Variants in RLIM observed in about 807,000 individuals in gnomAD.
The protein encoded by RLIM is ring finger protein, LIM domain interacting.
A neutral mutation model predicts 34.0 loss-of-function variants in RLIM; 2 were observed. That is an observed-to-expected ratio of 0.06 (90% CI 0.02 to 0.19). The LOEUF is 0.19. Ranked by LOEUF, RLIM falls within the 10% of genes least tolerant of loss-of-function variation. The pLI is 1.00. For synonymous variants in RLIM, 169 were observed against 164.0 expected (o/e 1.03, Z -0.23); for missense variants, 286 against 479.7 (o/e 0.60, Z 3.77).
chrX:74,598,651 C>T (rs367784135), intron 1 of RLIM, among the ~76,000 whole-genome samples: 52 of 108,091 alleles, frequency 4.8e-4, no homozygotes, highest in African/African-American at 1.2e-3. Flanking sequence ...TGGTGGCGGG[C>T]GCCTGTAGTC....
chrX:74,609,401 T>C (rs2079696824), intron 1 of RLIM, among the ~76,000 whole-genome samples: 1 of 94,963 alleles, frequency 1.1e-5, no homozygotes, highest in South Asian at 5.3e-4. Flanking sequence ...AGCAGGAGAA[T>C]GGCGTGAACC....
At chrX:74,603,435 G>A (rs1293850761) in intron 1 of RLIM, among the ~76,000 whole-genome samples, 2 of 111,372 alleles carry the variant, frequency 1.8e-5, no homozygotes, top group Admixed American at 9.6e-5. Context: ...ATCCATCTCT[G>A]CATATAGCAC....
rs865992780 is a variant in RLIM, at chrX:74,587,319, T to C, written c.*4121A>G. 1.6e-4 allele frequency: 18 copies of C among 110,993 alleles called. No individual in the cohort carries two copies. Among genetic ancestry groups the C allele is most frequent in the Admixed American group, 2.9e-4 (3 of 10,345 alleles). 9.1% of individuals were successfully genotyped at this position (110,993 alleles called of 1,213,427 possible). On this transcript the variant is annotated 3_prime_UTR_variant, in exon 4 of 4. Transcript: ENST00000332687. ...CACTTTAACATGTGCCTTAACAATCTTGCATACTAAGGTACAGAATACTTC... is the reference window on the plus strand; with the variant it reads ...CACTTTAACATGTGCCTTAACAATCCTGCATACTAAGGTACAGAATACTTC...
At chrX:74,605,656 T>C (rs745481277) in intron 1 of RLIM, among the ~76,000 whole-genome samples, 5 of 112,114 alleles carry the variant, frequency 4.5e-5, no homozygotes, top group Non-Finnish European at 7.5e-5. Flanking sequence ...ATGATTAGCA[T>C]CAGCTGTTTT....
At chrX:74,609,762 G>C (rs896780081) in intron 1 of RLIM, among the ~76,000 whole-genome samples, 4 of 111,019 alleles carry the variant, frequency 3.6e-5, no homozygotes, top group African/African-American at 1.3e-4. Flanking sequence ...TCCCAGTTTA[G>C]ATAATTCATA....
intron 1 of RLIM, among the ~76,000 whole-genome samples, chrX:74,605,033 G>A (rs1273568291): frequency 9.0e-6 from 1 of 110,896 alleles, no homozygotes; most frequent in Non-Finnish European, 1.9e-5. Context: ...TGGAATTGGG[G>A]GTCAAGAGAT....
intron 1 of RLIM, 53 bp from the exon 2 acceptor site, chrX:74,596,053 T>C (rs991459642): frequency 9.3e-6 from 7 of 748,700 alleles, no homozygotes; most frequent in Non-Finnish European, 7.5e-6. Context: ...ATGTATTCTA[T>C]ACAAGTTTTA....
rs759848457 is a variant in RLIM at position 74,591,919 on chromosome X, TC to T, written c.1395del (p.Ser466ValfsTer72). On this transcript the variant is annotated frameshift_variant, in exon 4 of 4. Coordinates refer to ENST00000332687, the MANE Select transcript of RLIM (RefSeq NM_016120.4). LOFTEE classifies it high-confidence loss of function. ...CTGGAACTTGAACTGGAACTGGAACTCGAACTGGAACTGGAACTCGAACTGG... is the reference window on the plus strand; with the variant it reads ...CTGGAACTTGAACTGGAACTGGAACTGAACTGGAACTGGAACTCGAACTGG... The part of the protein sequence containing the change: ...SGSSSSSSSS[S>X]SSSSSSSSSS... The T allele has an allele frequency of 4.2e-6, 5 of 1,182,858 alleles. No homozygotes were observed. The African/African-American group carries it at 7.6e-5, about 18-fold the overall frequency.
Position 74,592,140 on chromosome X carries a change from G to A in RLIM, c.1175C>T (p.Thr392Ile). 8.3e-7 allele frequency: 1 copy of A among 1,210,976 alleles called. No individual in the cohort carries two copies. Among genetic ancestry groups the A allele is most frequent in the Non-Finnish European group, 1.1e-6 (1 of 894,773 alleles). The part of the protein sequence containing the change: ...IRIPIRRILN[T>I]GLSETTSVAI... ...AACAGATGTAGTCTCACTTAAACCA[G>A]TATTTAAGATTCTACGAATGGGAAT... The change falls in exon 4 of 4, where the codon ACT becomes ATT. Residue 392 changes from threonine to isoleucine, a missense_variant. Transcript: ENST00000332687.
chrX:74,591,368 T>C lies in RLIM; in HGVS notation c.*72A>G, dbSNP rs747791155. 2.1e-5 allele frequency: 17 copies of C among 804,192 alleles called. No individual in the cohort carries two copies. The highest frequency in any genetic ancestry group is 3.1e-5 in the Non-Finnish European group (17 of 551,228). 66.3% of individuals were successfully genotyped at this position (804,192 alleles called of 1,213,427 possible). A position where few individuals can be genotyped will look rare whatever the true frequency, so the allele number is the denominator to read the frequency against. On this transcript the variant is annotated 3_prime_UTR_variant, in exon 4 of 4. Transcript: ENST00000332687. ...TTACATTTAAGTACCACTCAAAAAG[T>C]GGACATAAAAGCAAGTGATTCCTGT...
intron 1 of RLIM, among the ~76,000 whole-genome samples, chrX:74,601,795 A>G (rs1474746643): frequency 1.8e-5 from 2 of 111,759 alleles, no homozygotes; most frequent in Non-Finnish European, 3.8e-5. Flanking sequence ...GACCAGTGTA[A>G]TAGGAATTAT....
intron 1 of RLIM, among the ~76,000 whole-genome samples, chrX:74,596,368 C>T (rs2079640215): frequency 8.9e-6 from 1 of 111,907 alleles, no homozygotes; most frequent in African/African-American, 3.2e-5. Flanking sequence ...CCTCAGCCTC[C>T]CGAAGTAGCT....
chrX:74,598,758 GAC>G (rs1460160824), intron 1 of RLIM, among the ~76,000 whole-genome samples: 1 of 93,444 alleles, frequency 1.1e-5, no homozygotes, highest in African/African-American at 4.3e-5. Flanking sequence ...CTGCCTGTGC[GAC>G]ACAGTGAGAC....
At chrX:74,604,006 T>G (rs769383725) in intron 1 of RLIM, among the ~76,000 whole-genome samples, 1 of 108,618 alleles carries the variant, frequency 9.2e-6, no homozygotes, top group Non-Finnish European at 1.9e-5. Flanking sequence ...CTACTCCTAG[T>G]CAGGAGGTTG....
At chrX:74,608,336 T>TA (rs2079691674) in intron 1 of RLIM, among the ~76,000 whole-genome samples, 1 of 110,461 alleles carries the variant, frequency 9.1e-6, no homozygotes, top group Non-Finnish European at 1.9e-5. Flanking sequence ...CATAAGCTTA[T>TA]AAGCTCTGCT....
At chrX:74,596,678 T>G (rs757413238) in intron 1 of RLIM, among the ~76,000 whole-genome samples, 1 of 112,562 alleles carries the variant, frequency 8.9e-6, no homozygotes, top group Admixed American at 9.4e-5. Flanking sequence ...CCATACACAT[T>G]CATTTACATG....
rs1393813415 is a variant in RLIM at position 74,596,042 on chromosome X, T to C, written c.-23-42A>G. ...GACTAATCTTGAAAATAAAGGTCAC[T>C]ATGTATTCTATACAAGTTTTAATTA... On this transcript the variant is annotated intron_variant, in intron 1 of 3. Coordinates refer to ENST00000332687, the MANE Select transcript of RLIM (RefSeq NM_016120.4). The C allele has an allele frequency of 3.7e-6, 3 of 814,771 alleles. No homozygotes were observed. In the African/African-American group the frequency reaches 6.2e-5, roughly 17 times the overall value. 67.1% of individuals were successfully genotyped at this position (814,771 alleles called of 1,213,427 possible).
intron 1 of RLIM, among the ~76,000 whole-genome samples, chrX:74,606,545 C>T (rs765024614): frequency 8.9e-6 from 1 of 112,027 alleles, no homozygotes; most frequent in Admixed American, 9.5e-5. Context: ...TGTAGTATCT[C>T]ATTTAATTCT....
In RLIM at chrX:74,600,973, G is replaced by A. The variant is rs1035119677; in HGVS notation, c.-23-4973C>T. On this transcript the variant is annotated intron_variant, in intron 1 of 3. Coordinates refer to ENST00000332687, the MANE Select transcript of RLIM (RefSeq NM_016120.4). ...TGGGAGATGGGGGTTGCAGTGAGCCGAGATCGTGCCACTGCACCCCAGCCT... is the reference window on the plus strand; with the variant it reads ...TGGGAGATGGGGGTTGCAGTGAGCCAAGATCGTGCCACTGCACCCCAGCCT... Among the ~76,000 whole-genome samples the A allele has an allele frequency of 3.6e-5, 4 of 109,929 alleles. No homozygotes were observed. In the East Asian group the frequency reaches 8.5e-4, roughly 23 times the overall value.
Sources: gnomAD v4.1 joint callset for allele counts (sites outside exome capture counted in the v4.1 genomes callset) on GRCh38, gnomAD v4.1.1 for gene constraint, MANE v1.5 for transcripts, NCBI Gene and HGNC (gene_info 2026-07-23, HGNC 2026-07-21) for gene names.